Variants in NCR2 observed in about 807,000 individuals in gnomAD.
NCR2 encodes the protein natural cytotoxicity triggering receptor 2.
Under a neutral mutation model 30.7 loss-of-function variants are expected in NCR2, and 35 were observed. The observed-to-expected ratio is 1.14, with a 90% CI of 0.87 to 1.51. The LOEUF (loss-of-function observed/expected upper bound fraction) is 1.51, where lower values mean the gene tolerates loss of function less well. NCR2 is among the 40% of genes most tolerant of loss of function. The pLI, the probability that NCR2 is intolerant of heterozygous loss-of-function variation, is 0.00. For missense variants in NCR2, 316 were observed against 328.9 expected, an observed-to-expected ratio of 0.96 and a Z score of 0.30; for synonymous variants, 146 against 134.8, an observed-to-expected ratio of 1.08 and a Z score of -0.58.
chr6:41,342,069 A>G lies in NCR2; in HGVS notation c.564A>G (p.Ala188=), dbSNP rs1405527894. 2 of 1,613,734 alleles carry G rather than the reference A, an allele frequency of 1.2e-6. No homozygotes were observed. The highest frequency in any genetic ancestry group is 8.5e-7 in the Non-Finnish European group (1 of 1,180,012). The change falls in exon 4 of 5, where the codon GCA becomes GCG. Residue 188 remains alanine, a synonymous_variant. Coordinates refer to ENST00000373089, the MANE Select transcript of NCR2 (RefSeq NM_004828.4). Reference sequence around the variant, plus strand: ...ACTCCACGCTCCGCCCTGGCCCTGCAGCCCCCATTGCCCTGGTGCCTGTGT... The same window carrying G: ...ACTCCACGCTCCGCCCTGGCCCTGCGGCCCCCATTGCCCTGGTGCCTGTGT... ...PQNSTLRPGP[A]APIALVPVFC...
chr6:41,338,173 C>T (rs1460764393), intron 2 of NCR2, among the ~76,000 whole-genome samples: 1 of 152,148 alleles, frequency 6.6e-6, no homozygotes, highest in African/African-American at 2.4e-5. Flanking sequence ...TCTGATGGTA[C>T]AATTCACATT....
At chr6:41,336,470 C>T (rs758947251) in intron 2 of NCR2, 42 bp downstream of exon 2, 5 of 1,537,008 alleles carry the variant, frequency 3.3e-6, no homozygotes, top group Non-Finnish European at 4.5e-6. Context: ...TGCCCCTCAC[C>T]CCCTTTTGGT....
chr6:41,346,660 T>C (rs191092950), intron 4 of NCR2, among the ~76,000 whole-genome samples: 59 of 152,250 alleles, frequency 3.9e-4, no homozygotes, highest in African/African-American at 1.4e-3. Flanking sequence ...CAAAATACAA[T>C]CTATCATCCC....
intron 2 of NCR2, among the ~76,000 whole-genome samples, chr6:41,341,079 T>C (rs1281899497): frequency 3.9e-5 from 6 of 151,904 alleles, no homozygotes; most frequent in Non-Finnish European, 5.9e-5. Context: ...CCCCACTTCC[T>C]CTCCCAGCCT....
intron 4 of NCR2, among the ~76,000 whole-genome samples, chr6:41,344,672 T>C (rs934405996): frequency 1.3e-5 from 2 of 152,258 alleles, no homozygotes; most frequent in Non-Finnish European, 2.9e-5. Flanking sequence ...TATTAAAGTT[T>C]TAACTTTTGA....
At chr6:41,342,180 A>T in intron 4 of NCR2, 31 bp downstream of exon 4, 1 of 1,608,668 alleles carries the variant, frequency 6.2e-7, no homozygotes. Context: ...ACTCGGGGAA[A>T]ATGGAACAGG....
intron 4 of NCR2, among the ~76,000 whole-genome samples, chr6:41,346,416 G>A (rs1353354228): frequency 1.3e-5 from 2 of 151,674 alleles, no homozygotes; most frequent in Non-Finnish European, 1.5e-5. Context: ...AACACCACAG[G>A]GACCCATGAT....
At chr6:41,336,454 G>T in intron 2 of NCR2, 26 bp downstream of exon 2, 1 of 1,587,208 alleles carries the variant, frequency 6.3e-7, no homozygotes. Flanking sequence ...AGGGTCCTCA[G>T]AGGGGTGCCC....
At chr6:41,335,954 G>A (rs1769010552) in intron 1 of NCR2, 26 bp downstream of exon 1, 8 of 1,574,260 alleles carry the variant, frequency 5.1e-6, no homozygotes, top group Non-Finnish European at 6.9e-6. Flanking sequence ...AGCCCAGGGA[G>A]CAGAGGAGAT....
chr6:41,335,865 G>A lies in NCR2; in HGVS notation c.-12G>A. ...GGTGTCCCCTCCCATGAGCGCACAGGAAAAGGACCACATGGCCTGGCGAGC... is the reference window on the plus strand; with the variant it reads ...GGTGTCCCCTCCCATGAGCGCACAGAAAAAGGACCACATGGCCTGGCGAGC... On this transcript the variant is annotated 5_prime_UTR_variant, in exon 1 of 5. Transcript: ENST00000373089. 6.4e-7 allele frequency: 1 copy of A among 1,562,820 alleles called. No homozygotes were observed. The highest frequency in any genetic ancestry group is 8.7e-7 in the Non-Finnish European group (1 of 1,153,178).
chr6:41,339,840 A>T (rs1459865162), intron 2 of NCR2, among the ~76,000 whole-genome samples: 1 of 152,210 alleles, frequency 6.6e-6, no homozygotes, highest in Non-Finnish European at 1.5e-5. Flanking sequence ...CAAAACCAGC[A>T]CAAACTCTTT....
rs1458098627 is a variant in NCR2 at position 41,336,120 on chromosome 6, A to G, written c.86A>G (p.Gln29Arg). 2 of 1,613,970 alleles carry G rather than the reference A, an allele frequency of 1.2e-6. No individual in the cohort carries two copies. The highest frequency in any genetic ancestry group is 3.3e-5 in the Admixed American group (2 of 60,008). ...GCACAATCCAAGGCTCAGGTACTTC[A>G]AAGTGTGGCAGGGCAGACGCTAACC... ...SQAQSKAQVL[Q>R]SVAGQTLTVR... is the part of the protein sequence containing the mutation. Residue 29 changes from glutamine (Q) to arginine (R), a missense_variant, in exon 2 of 5, where the codon CAA becomes CGA. Physicochemically the swap from Gln to Arg is conservative, Grantham distance 43. Transcript: ENST00000373089.
intron 3 of NCR2, 22 bp from the exon 4 acceptor site, chr6:41,342,014 T>C (rs1769184209): frequency 6.2e-7 from 1 of 1,613,892 alleles, no homozygotes; most frequent in Non-Finnish European, 8.5e-7. Context: ...TCCTCTCCCC[T>C]TCCTGTCCCT....
intron 2 of NCR2, among the ~76,000 whole-genome samples, chr6:41,341,394 A>G (rs1769163917): frequency 6.6e-6 from 1 of 152,038 alleles, no homozygotes; most frequent in African/African-American, 2.4e-5. Context: ...CTACCCTTCA[A>G]ATTCCCCACA....
In NCR2 at chr6:41,336,130, AG is replaced by A; in HGVS notation, c.99del (p.Gln34ArgfsTer3). The A allele has an allele frequency of 6.2e-7, 1 of 1,614,100 alleles. No homozygotes were observed. The stretch of plus-strand genomic sequence containing the variant: ...AGGCTCAGGTACTTCAAAGTGTGGC[AG>A]GGCAGACGCTAACCGTGAGATGCCA... ...SKAQVLQSVA[G>X]QTLTVRCQYP... On this transcript the variant is annotated frameshift_variant, in exon 2 of 5. Transcript: ENST00000373089. LOFTEE classifies it high-confidence loss of function.
intron 2 of NCR2, among the ~76,000 whole-genome samples, 187 bp from the exon 3 acceptor site, chr6:41,341,607 C>G (rs1026597681): frequency 2.6e-5 from 4 of 152,110 alleles, no homozygotes; most frequent in African/African-American, 9.7e-5. Context: ...AGAGCCCAGG[C>G]CACAGGTGTG....
intron 4 of NCR2, among the ~76,000 whole-genome samples, chr6:41,346,098 G>A (rs186465552): frequency 1.2e-4 from 19 of 152,226 alleles, no homozygotes; most frequent in Admixed American, 1.2e-3. Flanking sequence ...CATCATCACT[G>A]CAGATTCTGT....
intron 2 of NCR2, among the ~76,000 whole-genome samples, chr6:41,341,118 G>A (rs939418632): frequency 1.3e-5 from 2 of 151,840 alleles, no homozygotes; most frequent in South Asian, 4.2e-4. Flanking sequence ...CTTTTCCTTC[G>A]CCACCCCACC....
intron 4 of NCR2, among the ~76,000 whole-genome samples, chr6:41,350,363 A>G (rs59299045): frequency 0.026 from 4,000 of 152,200 alleles, 167 homozygotes; most frequent in African/African-American, 0.087. Flanking sequence ...ACTGCAGCTG[A>G]AAAGACAGAT....
Sources: gnomAD v4.1 joint callset for allele counts (sites outside exome capture counted in the v4.1 genomes callset) on GRCh38, gnomAD v4.1.1 for gene constraint, MANE v1.5 for transcripts, NCBI Gene and HGNC (gene_info 2026-07-23, HGNC 2026-07-21) for gene names.